The following F13A1 variants were observed in gnomAD, a reference collection of about 807,000 sequenced individuals.
F13A1 encodes FSF, A subunit.
Under a neutral mutation model 80.1 loss-of-function variants are expected in F13A1, and 47 were observed. The observed-to-expected ratio is 0.59, with a 90% CI of 0.46 to 0.75. The LOEUF (loss-of-function observed/expected upper bound fraction) is 0.75. F13A1 is among the 30% of genes least tolerant of loss of function. The pLI, the probability that F13A1 is intolerant of heterozygous loss-of-function variation, is 0.00. For missense variants in F13A1, 817 were observed against 930.4 expected, an observed-to-expected ratio of 0.88 and a Z score of 1.59; for synonymous variants, 349 against 344.9, an observed-to-expected ratio of 1.01 and a Z score of -0.13.
intron 6 of F13A1, among the ~76,000 whole-genome samples, chr6:6,247,094 C>T (rs960788643): frequency 6.6e-6 from 1 of 152,156 alleles, no homozygotes; most frequent in African/African-American, 2.4e-5. Context: ...GCATAGGAAA[C>T]AAAACTGCCT....
chr6:6,183,203 T>A (rs1035561576), intron 10 of F13A1, among the ~76,000 whole-genome samples: 5 of 152,306 alleles, frequency 3.3e-5, no homozygotes, highest in African/African-American at 1.2e-4. Context: ...ACTAAATGTT[T>A]CCCAAGCTCC....
intron 10 of F13A1, among the ~76,000 whole-genome samples, chr6:6,182,424 A>G (rs1761004645): frequency 1.3e-5 from 2 of 152,118 alleles, no homozygotes; most frequent in African/African-American, 2.4e-5. Context: ...GATAAGTCCT[A>G]CCTCTCACAG....
intron 4 of F13A1, among the ~76,000 whole-genome samples, chr6:6,264,794 C>T (rs1757821390): frequency 6.6e-6 from 1 of 152,200 alleles, no homozygotes; most frequent in South Asian, 2.1e-4. Flanking sequence ...TTTAAGATTA[C>T]TATCAAGAGT....
chr6:6,192,811 T>C (rs1761225383), intron 10 of F13A1, among the ~76,000 whole-genome samples: 2 of 152,120 alleles, frequency 1.3e-5, no homozygotes, highest in South Asian at 4.2e-4. Context: ...TGTGCATGCA[T>C]GTGTGTGTGT....
rs1760250300 is a variant in F13A1, at chr6:6,144,862, A to G, written c.*757T>C. ...ATTGCATCCCAGAAAGGGTTAAAGTAAGGGATATTGGCTCCTGCTGATCAG... is the reference window on the plus strand; with the variant it reads ...ATTGCATCCCAGAAAGGGTTAAAGTGAGGGATATTGGCTCCTGCTGATCAG... On this transcript the variant is annotated 3_prime_UTR_variant, in exon 15 of 15. Coordinates refer to ENST00000264870, the MANE Select transcript of F13A1 (RefSeq NM_000129.4). 1 of 152,772 alleles carries G rather than the reference A, an allele frequency of 6.5e-6. No individual in the cohort carries two copies. Among genetic ancestry groups the G allele is most frequent in the African/African-American group, 2.4e-5 (1 of 41,454 alleles). 9.5% of individuals were successfully genotyped at this position (152,772 alleles called of 1,614,324 possible). A position where few individuals can be genotyped will look rare whatever the true frequency, so the allele number is the denominator to read the frequency against.
At chr6:6,224,599 C>A (rs775514502) in intron 7 of F13A1, 87 bp downstream of exon 7, 21 of 1,257,216 alleles carry the variant, frequency 1.7e-5, no homozygotes, top group Non-Finnish European at 1.8e-5. Context: ...ACAGGGGCTG[C>A]TATGTCTCTT....
At chr6:6,269,551 G>C (rs1561674101) in intron 3 of F13A1, among the ~76,000 whole-genome samples, 1 of 152,028 alleles carries the variant, frequency 6.6e-6, no homozygotes, top group South Asian at 2.1e-4. Context: ...AATAATTCCA[G>C]AATCATCATG....
At position 6,197,246 on chromosome 6, in the gene F13A1, C is replaced by T. The variant is rs1310503871; in HGVS notation, c.1193G>A (p.Ser398Asn). The change falls in exon 9 of 15, where the codon AGC (serine) becomes AAC (asparagine). Residue 398 changes from serine to asparagine, a missense_variant. Physicochemically the swap from Ser to Asn is conservative, Grantham distance 46. Coordinates refer to ENST00000264870, the MANE Select transcript of F13A1 (RefSeq NM_000129.4). ...ACCATCGCTATTTTCCTGGGGGGTGCTGTCCACAGCTTGCCAGCCTCCAAA... is the reference window on the plus strand; with the variant it reads ...ACCATCGCTATTTTCCTGGGGGGTGTTGTCCACAGCTTGCCAGCCTCCAAA... ...VGFGGWQAVD[S>N]TPQENSDGMY... The T allele has an allele frequency of 6.2e-7, 1 of 1,614,036 alleles. No homozygotes were observed. The highest frequency in any genetic ancestry group is 8.5e-7 in the Non-Finnish European group (1 of 1,180,006).
chr6:6,298,658 G>A lies in F13A1; in HGVS notation c.319+6693C>T, dbSNP rs924579681. ...TATGTGTGTCTCTGCATGTGAGATG[G>A]GTTTCCTGAATACAGCACACTGATG... On this transcript the variant is annotated intron_variant, in intron 3 of 14. Transcript: ENST00000264870. 1.3e-5 allele frequency among the ~76,000 whole-genome samples: 2 copies of A among 149,440 alleles called. 1 individual carries two copies. The highest frequency in any genetic ancestry group is 5.1e-5 in the African/African-American group (2 of 38,990).
At chr6:6,210,348 T>TATATATATATATATATATATA (rs1420900272) in intron 8 of F13A1, among the ~76,000 whole-genome samples, 367 of 134,242 alleles carry the variant, frequency 2.7e-3, no homozygotes, top group African/African-American at 3.2e-3. Context: ...TATATATATA[T>TATATATATATATATATATATA]TTCTTTTTTT....
intron 3 of F13A1, among the ~76,000 whole-genome samples, chr6:6,296,532 A>G (rs1028436691): frequency 1.3e-5 from 2 of 150,942 alleles, no homozygotes; most frequent in Non-Finnish European, 2.9e-5. Flanking sequence ...TTCACTCATG[A>G]TTTGGCTCTC....
At chr6:6,206,002 C>T (rs1761481228) in intron 8 of F13A1, among the ~76,000 whole-genome samples, 1 of 152,016 alleles carries the variant, frequency 6.6e-6, no homozygotes, top group Non-Finnish European at 1.5e-5. Flanking sequence ...GAATTAATAT[C>T]CTGACTGAAC....
intron 10 of F13A1, among the ~76,000 whole-genome samples, chr6:6,190,910 G>C (rs1190820597): frequency 4.6e-4 from 70 of 151,812 alleles, no homozygotes; most frequent in African/African-American, 1.1e-3. Context: ...AGCCAGGTGC[G>C]GGATATAATC....
intron 3 of F13A1, among the ~76,000 whole-genome samples, chr6:6,280,588 A>G (rs987568453): frequency 1.4e-4 from 21 of 152,062 alleles, no homozygotes; most frequent in African/African-American, 4.8e-4. Flanking sequence ...TTTGCAAGTG[A>G]CATAGATAAA....
chr6:6,250,844 A>G lies in F13A1; in HGVS notation c.657T>C (p.Asn219=), dbSNP rs1757621449. Residue 219 remains asparagine (N), a synonymous_variant, in exon 5 of 15, where the codon AAT becomes AAC. Transcript: ENST00000264870. This position sits in a 1 kb window ranked among gnomAD's most constrained non-coding sequence, Gnocchi z 4.2. The part of the protein sequence containing the change: ...DIGVIFYGEV[N]DIKTRSWSYG... ...AGCTCCAGCTTCTGGTCTTGATGTC[A>G]TTGACCTCTCCATAAAAAATTACCC... The G allele has an allele frequency of 6.2e-7, 1 of 1,613,544 alleles. No individual in the cohort carries two copies.
intron 2 of F13A1, among the ~76,000 whole-genome samples, chr6:6,314,818 T>G (rs1301696906): frequency 6.6e-6 from 1 of 152,216 alleles, no homozygotes; most frequent in East Asian, 1.9e-4. Context: ...AGGAACTGAA[T>G]GAAAGGAGGA....
intron 3 of F13A1, among the ~76,000 whole-genome samples, chr6:6,272,216 T>C (rs1359586738): frequency 1.3e-5 from 2 of 152,222 alleles, no homozygotes; most frequent in Admixed American, 6.5e-5. Flanking sequence ...GGTTAGTTGA[T>C]GGCTTTGAAA....
intron 5 of F13A1, among the ~76,000 whole-genome samples, chr6:6,249,657 C>T (rs1460270691): frequency 6.6e-6 from 1 of 152,168 alleles, no homozygotes; most frequent in Admixed American, 6.5e-5. Flanking sequence ...CCCTTGTTAG[C>T]TATCTATAGA....
intron 1 of F13A1, among the ~76,000 whole-genome samples, chr6:6,319,272 ATAGG>A (rs1758734424): frequency 1.3e-5 from 2 of 152,208 alleles, no homozygotes; most frequent in African/African-American, 4.8e-5. Context: ...TTATAGTCTG[ATAGG>A]GTTAGGGTGG....
Sources: gnomAD v4.1 joint callset for allele counts (sites outside exome capture counted in the v4.1 genomes callset) on GRCh38, gnomAD v4.1.1 for gene constraint, Gnocchi (gnomAD v3.1) non-coding constraint, MANE v1.5 for transcripts, NCBI Gene and HGNC (gene_info 2026-07-23, HGNC 2026-07-21) for gene names.